LPIN1: variants seen among roughly 807,000 people sequenced by gnomAD.
The protein encoded by LPIN1 is phosphatidate phosphatase LPIN1.
In LPIN1, 71 loss-of-function variants were observed where a neutral mutation model predicts 107.5. The observed-to-expected ratio is 0.66, with a 90% CI of 0.55 to 0.80. The LOEUF (loss-of-function observed/expected upper bound fraction) is 0.80. LPIN1 is among the 30% of genes least tolerant of loss of function. The pLI, the probability that LPIN1 is intolerant of heterozygous loss-of-function variation, is 0.00. For missense variants in LPIN1, 1,043 were observed against 1,160.6 expected (o/e 0.90, Z 1.47); for synonymous variants, 445 against 452.6 (o/e 0.98, Z 0.21).
chr2:11,770,067 A>G (rs182163003), intron 3 of LPIN1, among the ~76,000 whole-genome samples: 38 of 152,340 alleles, frequency 2.5e-4, no homozygotes, highest in African/African-American at 8.7e-4. Flanking sequence ...GGAAGACTCC[A>G]AAAATACTAA....
intron 17 of LPIN1, among the ~76,000 whole-genome samples, chr2:11,806,894 T>C (rs1357509181): frequency 6.6e-6 from 1 of 152,218 alleles, no homozygotes; most frequent in Non-Finnish European, 1.5e-5. Context: ...ACTCACATTA[T>C]TTAATTATTC....
Position 11,784,894 on chromosome 2 carries a change from C to G in LPIN1, c.1367C>G (p.Pro456Arg), listed in dbSNP as rs950339269. The stretch of plus-strand genomic sequence containing the variant: ...GCTTTTCCTCCTTCCAGCGGAGATC[C>G]TTCCGGACTCGCAAAACATGCAAGC... ...AALYFPKNGD[P>R]SGLAKHASDN... The change falls in exon 10 of 21, where the codon CCT (proline) becomes CGT (arginine). Residue 456 changes from proline to arginine, a missense_variant. By Grantham distance (103) the Pro-to-Arg change is moderately radical. Coordinates refer to ENST00000674199, the MANE Select transcript of LPIN1 (RefSeq NM_001349206.2). The G allele has an allele frequency of 8.7e-6, 14 of 1,613,982 alleles. No individual in the cohort carries two copies. The highest frequency in any genetic ancestry group is 1.2e-5 in the Non-Finnish European group (14 of 1,180,008).
chr2:11,822,413 G>A (rs1479967687), intron 20 of LPIN1, among the ~76,000 whole-genome samples: 1 of 150,900 alleles, frequency 6.6e-6, no homozygotes, highest in East Asian at 1.9e-4. Flanking sequence ...TCATGCCACT[G>A]CCCTCCAGCC....
chr2:11,744,562 CTCA>C (rs1666704095), upstream of LPIN1, among the ~76,000 whole-genome samples: 1 of 152,202 alleles, frequency 6.6e-6, no homozygotes, highest in African/African-American at 2.4e-5. Context: ...GGCCCCCCAG[CTCA>C]TCATTTTCAG....
chr2:11,792,294 A>T (rs1304356944), intron 13 of LPIN1: 1 of 315,882 alleles, frequency 3.2e-6, no homozygotes, highest in Admixed American at 4.4e-5. Flanking sequence ...AAAAGAAGGG[A>T]TTCAGCCTGG....
intron 1 of LPIN1, chr2:11,677,852 G>C: frequency 1.2e-6 from 1 of 819,500 alleles, no homozygotes; most frequent in South Asian, 1.6e-5. Flanking sequence ...GTTCGGGATG[G>C]GTTTGTGCAT....
intron 9 of LPIN1, 42 bp downstream of exon 9, chr2:11,783,964 G>T: frequency 6.2e-7 from 1 of 1,613,342 alleles, no homozygotes; most frequent in South Asian, 1.1e-5. Flanking sequence ...CCTATAATCT[G>T]AATATCATTC....
At chr2:11,726,690 T>A (rs1054412603) in intron 1 of LPIN1, among the ~76,000 whole-genome samples, 12 of 152,224 alleles carry the variant, frequency 7.9e-5, no homozygotes, top group Non-Finnish European at 1.5e-4. Flanking sequence ...GTTATTTTTT[T>A]AAAATAAGCC....
chr2:11,733,050 C>T (rs1665411199), intron 1 of LPIN1, among the ~76,000 whole-genome samples: 1 of 151,988 alleles, frequency 6.6e-6, no homozygotes, highest in Non-Finnish European at 1.5e-5. Context: ...GGGGTCAATA[C>T]CTGGCTCTTC....
intron 9 of LPIN1, 183 bp from the exon 10 acceptor site, chr2:11,784,703 T>G (rs1674190816): frequency 3.0e-6 from 2 of 675,274 alleles, no homozygotes; most frequent in Non-Finnish European, 5.4e-6. Flanking sequence ...AATGGTTTTC[T>G]CTCCTAAGCT....
intron 1 of LPIN1, among the ~76,000 whole-genome samples, chr2:11,689,362 G>A: frequency 6.6e-6 from 1 of 152,202 alleles, no homozygotes; most frequent in South Asian, 2.1e-4. Flanking sequence ...TTGAGGCTTA[G>A]TATATTTGTC....
At position 11,809,330 on chromosome 2, in the gene LPIN1, C is replaced by T. The variant is rs1034341479; in HGVS notation, c.2249+4174C>T. Among the ~76,000 whole-genome samples the T allele has an allele frequency of 7.9e-5, 12 of 152,084 alleles. No individual in the cohort carries two copies. The South Asian group carries it at 1.0e-3, about 13-fold the overall frequency. ...AAAAAAGAACACTTACCGTGTTTCC[C>T]GAGGTTCGTTAGCTCCGCTGGGGTC... is the stretch of plus-strand genomic sequence containing the variant. On this transcript the variant is annotated intron_variant, in intron 17 of 20. Transcript: ENST00000674199.
chr2:11,779,049 A>G (rs13013930), intron 6 of LPIN1, among the ~76,000 whole-genome samples: 51,226 of 152,092 alleles, frequency 0.34, 10,191 homozygotes, highest in African/African-American at 0.55. Context: ...TTCCCAGGCC[A>G]GTGCAGATGA....
intron 2 of LPIN1, among the ~76,000 whole-genome samples, chr2:11,714,309 G>C (rs1663591693): frequency 6.6e-6 from 1 of 152,198 alleles, no homozygotes; most frequent in Non-Finnish European, 1.5e-5. Context: ...CCCAGGCTTT[G>C]GTGCAGCCCC....
intron 6 of LPIN1, among the ~76,000 whole-genome samples, chr2:11,776,984 AGTT>A (rs1672771117): frequency 6.6e-6 from 1 of 152,262 alleles, no homozygotes; most frequent in East Asian, 1.9e-4. Context: ...AGGAAAACAA[AGTT>A]GTTAATAGTT....
At chr2:11,806,266 G>C (rs780744122) in intron 17 of LPIN1, among the ~76,000 whole-genome samples, 2 of 152,212 alleles carry the variant, frequency 1.3e-5, no homozygotes, top group African/African-American at 2.4e-5. Flanking sequence ...TGAATGAACT[G>C]TATTTCCCTG....
chr2:11,808,144 G>T (rs1679032717), intron 17 of LPIN1, among the ~76,000 whole-genome samples: 1 of 152,176 alleles, frequency 6.6e-6, no homozygotes, highest in African/African-American at 2.4e-5. Flanking sequence ...GTCAGCTCTG[G>T]TCTCTTCCCC....
intron 1 of LPIN1, among the ~76,000 whole-genome samples, chr2:11,732,889 CTCTT>C (rs1427905254): frequency 4.2e-5 from 6 of 142,144 alleles, no homozygotes; most frequent in African/African-American, 1.8e-4. Context: ...TTCTCTCTCT[CTCTT>C]TCTCTCTCTC....
intron 1 of LPIN1, among the ~76,000 whole-genome samples, chr2:11,729,052 T>G (rs898338131): frequency 6.6e-6 from 1 of 152,184 alleles, no homozygotes; most frequent in African/African-American, 2.4e-5. Context: ...GCTTTTGGTG[T>G]TTTAGTCATG....
Sources: allele counts gnomAD v4.1 joint callset (sites outside exome capture counted in the v4.1 genomes callset), GRCh38; gene constraint gnomAD v4.1.1; transcripts MANE v1.5; gene names NCBI Gene and HGNC (gene_info 2026-07-23, HGNC 2026-07-21).